Variants in NOS1AP observed in about 807,000 individuals in gnomAD.
NOS1AP encodes nitric oxide synthase 1 adaptor protein, also known as carboxyl-terminal PDZ ligand of neuronal nitric oxide synthase protein.
Under a neutral mutation model 56.2 loss-of-function variants are expected in NOS1AP, and 21 were observed. That is an observed-to-expected ratio of 0.37 (90% CI 0.26 to 0.54). The LOEUF is 0.54. Ranked by LOEUF, NOS1AP falls within the 20% of genes least tolerant of loss-of-function variation. NOS1AP has a pLI of 0.84. For synonymous variants in NOS1AP, 270 were observed against 274.6 expected (o/e 0.98, Z 0.17); for missense variants, 522 against 657.8 (o/e 0.79, Z 2.26).
intron 2 of NOS1AP, among the ~76,000 whole-genome samples, chr1:162,191,466 T>C (rs1403064291): frequency 2.6e-5 from 4 of 152,210 alleles, no homozygotes; most frequent in Admixed American, 2.0e-4. Context: ...CCACAACCCA[T>C]AGATCTGAGA....
In NOS1AP at chr1:162,142,794, T is replaced by TA. The variant is rs1649293005; in HGVS notation, c.106-11610dup. 2.0e-5 allele frequency among the ~76,000 whole-genome samples: 3 copies of TA among 152,338 alleles called. No homozygotes were observed. In the South Asian group the frequency reaches 6.2e-4, roughly 32 times the overall value. On this transcript the variant is annotated intron_variant, in intron 1 of 9. Transcript: ENST00000361897. ...GCAGGGTCGTTGCTGACTTGTAACT[T>TA]ACACGTTAAGTGATGTATGTAAAGG...
At chr1:162,280,490 A>G (rs529470984) in intron 2 of NOS1AP, among the ~76,000 whole-genome samples, 4 of 152,216 alleles carry the variant, frequency 2.6e-5, no homozygotes, top group Non-Finnish European at 5.9e-5. Context: ...TACCATGTGC[A>G]TTTTAAAAAA....
intron 2 of NOS1AP, among the ~76,000 whole-genome samples, chr1:162,249,553 C>T (rs1653784675): frequency 1.3e-5 from 2 of 152,090 alleles, no homozygotes; most frequent in Non-Finnish European, 2.9e-5. Flanking sequence ...TCATCCACAC[C>T]AAATAAGAAT....
At chr1:162,101,602 C>T (rs1198399360) in intron 1 of NOS1AP, among the ~76,000 whole-genome samples, 2 of 152,052 alleles carry the variant, frequency 1.3e-5, no homozygotes, top group Non-Finnish European at 2.9e-5. Context: ...TGTTTGTGTC[C>T]TCTCTGATTT....
chr1:162,167,481 C>T (rs571674980), intron 2 of NOS1AP, among the ~76,000 whole-genome samples: 2 of 152,346 alleles, frequency 1.3e-5, no homozygotes, highest in Admixed American at 6.5e-5. Flanking sequence ...GGCTCTGGAC[C>T]GGGGAGTCCC....
chr1:162,155,776 G>T (rs1649949478), intron 2 of NOS1AP, among the ~76,000 whole-genome samples: 1 of 152,128 alleles, frequency 6.6e-6, no homozygotes, highest in Non-Finnish European at 1.5e-5. Context: ...TTGTACTTGT[G>T]CATTTCAAAG....
chr1:162,346,626 A>G (rs1657304523), intron 6 of NOS1AP, among the ~76,000 whole-genome samples: 1 of 152,230 alleles, frequency 6.6e-6, no homozygotes. Context: ...CATCCTGGGA[A>G]AAGGAACTGG....
chr1:162,104,988 T>C (rs1378970476), intron 1 of NOS1AP, among the ~76,000 whole-genome samples: 1 of 152,242 alleles, frequency 6.6e-6, no homozygotes, highest in Non-Finnish European at 1.5e-5. Flanking sequence ...AGGGGCATTC[T>C]GGTTTTTGAG....
intron 1 of NOS1AP, among the ~76,000 whole-genome samples, chr1:162,099,156 C>T (rs1365927247): frequency 1.3e-5 from 2 of 151,854 alleles, no homozygotes; most frequent in Non-Finnish European, 2.9e-5. Flanking sequence ...CCTTTTTCCC[C>T]ATAACCTTGC....
intron 1 of NOS1AP, among the ~76,000 whole-genome samples, chr1:162,124,305 A>T (rs1648383835): frequency 6.6e-6 from 1 of 151,978 alleles, no homozygotes; most frequent in Non-Finnish European, 1.5e-5. Context: ...TGACTCTCCC[A>T]TGTCTGTTAG....
intron 4 of NOS1AP, among the ~76,000 whole-genome samples, chr1:162,314,773 CCAGAGTCCTG>C (rs796229535): frequency 3.3e-5 from 5 of 152,216 alleles, no homozygotes; most frequent in African/African-American, 1.2e-4. Context: ...TTCATGTACC[CCAGAGTCCTG>C]CATGTTTATG....
intron 2 of NOS1AP, among the ~76,000 whole-genome samples, chr1:162,221,552 A>G (rs1243767282): frequency 1.3e-5 from 2 of 151,244 alleles, no homozygotes; most frequent in Non-Finnish European, 2.9e-5. Context: ...ACACACACAC[A>G]CACACACACA....
chr1:162,173,318 A>G (rs1650894530), intron 2 of NOS1AP, among the ~76,000 whole-genome samples: 1 of 152,106 alleles, frequency 6.6e-6, no homozygotes, highest in South Asian at 2.1e-4. Context: ...CATTTATTAA[A>G]TAGGATTCCC....
chr1:162,206,894 C>T (rs746205969), intron 2 of NOS1AP, among the ~76,000 whole-genome samples: 5 of 152,094 alleles, frequency 3.3e-5, no homozygotes, highest in African/African-American at 9.7e-5. Context: ...AATAAAGCCA[C>T]GAGGGCATCC....
intron 2 of NOS1AP, among the ~76,000 whole-genome samples, chr1:162,245,068 C>A (rs573551391): frequency 3.3e-5 from 5 of 151,946 alleles, no homozygotes; most frequent in South Asian, 4.2e-4. Context: ...AAGGATAGGG[C>A]GAGGAAAGAG....
intron 2 of NOS1AP, among the ~76,000 whole-genome samples, chr1:162,241,576 C>T (rs2101681449): frequency 6.6e-6 from 1 of 152,248 alleles, no homozygotes. Context: ...TTATTATCCT[C>T]ATTTTACAGA....
chr1:162,270,616 AT>A (rs1335232608), intron 2 of NOS1AP, among the ~76,000 whole-genome samples: 4 of 152,188 alleles, frequency 2.6e-5, no homozygotes, highest in Non-Finnish European at 4.4e-5. Context: ...TGAGCGAGGG[AT>A]TTGAAAGTAG....
chr1:162,163,011 C>G (rs1305654639), intron 2 of NOS1AP, among the ~76,000 whole-genome samples: 1 of 152,182 alleles, frequency 6.6e-6, no homozygotes, highest in Admixed American at 6.5e-5. Flanking sequence ...CATTCTGTCT[C>G]TATGGATTTG....
intron 2 of NOS1AP, among the ~76,000 whole-genome samples, chr1:162,177,565 C>A (rs938935756): frequency 6.6e-5 from 10 of 152,140 alleles, no homozygotes; most frequent in African/African-American, 2.4e-4. Flanking sequence ...GGGCAGCTCT[C>A]TGACCTGTAG....
Sources: allele counts gnomAD v4.1 joint callset (sites outside exome capture counted in the v4.1 genomes callset), GRCh38; gene constraint gnomAD v4.1.1; transcripts MANE v1.5; gene names NCBI Gene and HGNC (gene_info 2026-07-23, HGNC 2026-07-21).